SLC17A5: variants seen among roughly 807,000 people sequenced by gnomAD.
SLC17A5 encodes solute carrier family 17 member 5, also known as sialin.
SLC17A5 carries 47 observed loss-of-function variants against 59.4 expected under a neutral mutation model. The ratio of observed to expected loss-of-function variants is 0.79; its 90% CI spans 0.63 to 1.01. The LOEUF (loss-of-function observed/expected upper bound fraction) is 1.01. Among genes scored for constraint, SLC17A5 ranks in the 50% least tolerant of loss-of-function variants. The pLI is 0.00. For synonymous variants in SLC17A5, 202 were observed against 210.7 expected (o/e 0.96, Z 0.36); for missense variants, 522 against 595.5 (o/e 0.88, Z 1.28).
At chr6:73,601,257 C>T (rs1206752068) in intron 9 of SLC17A5, among the ~76,000 whole-genome samples, 1 of 146,650 alleles carries the variant, frequency 6.8e-6, no homozygotes, top group Non-Finnish European at 1.5e-5. Context: ...AGGTGAGGAG[C>T]GTCTCTGCCC....
intron 8 of SLC17A5, among the ~76,000 whole-genome samples, chr6:73,613,697 C>T (rs1456441594): frequency 3.3e-5 from 5 of 152,012 alleles, no homozygotes; most frequent in Non-Finnish European, 7.4e-5. Flanking sequence ...ATGTATGATT[C>T]AAAAAGAAAC....
chr6:73,621,196 G>A (rs899365286), intron 7 of SLC17A5, among the ~76,000 whole-genome samples: 1 of 151,852 alleles, frequency 6.6e-6, no homozygotes, highest in South Asian at 2.1e-4. Flanking sequence ...GTAGAGATGA[G>A]GTTTCTCCAT....
At chr6:73,606,028 GATTT>G (rs111362961) in intron 9 of SLC17A5, among the ~76,000 whole-genome samples, 14 of 148,750 alleles carry the variant, frequency 9.4e-5, no homozygotes, top group African/African-American at 1.8e-4. Context: ...AATTTGATGA[GATTT>G]ATTTATTTAT....
chr6:73,629,971 G>A (rs1263216408), intron 6 of SLC17A5, among the ~76,000 whole-genome samples: 6 of 151,314 alleles, frequency 4.0e-5, no homozygotes, highest in East Asian at 1.9e-4. Flanking sequence ...TAACTGCAGC[G>A]TGCAATGAAG....
rs1766674651 is a variant in SLC17A5 at position 73,593,749 on chromosome 6, A to C, written c.*1328T>G. 1 of 152,204 alleles carries C rather than the reference A, an allele frequency of 6.6e-6. No individual in the cohort carries two copies. The highest frequency in any genetic ancestry group is 2.1e-4 in the South Asian group (1 of 4,832). 9.4% of individuals were successfully genotyped at this position (152,204 alleles called of 1,614,324 possible). On this transcript the variant is annotated 3_prime_UTR_variant, in exon 11 of 11. Transcript: ENST00000355773. ...AACAAACAGTGAGAATTAATTAAAAAAAAAATTCTCGTGTAGCTTAAAAAC... is the reference window on the plus strand; with the variant it reads ...AACAAACAGTGAGAATTAATTAAAACAAAAATTCTCGTGTAGCTTAAAAAC...
intron 6 of SLC17A5, among the ~76,000 whole-genome samples, chr6:73,632,434 CTTTTTT>C (rs1163170650): frequency 3.8e-4 from 33 of 86,788 alleles, no homozygotes; most frequent in African/African-American, 1.1e-3. Flanking sequence ...GTAGAGAAAG[CTTTTTT>C]TTTTTTTTTT....
chr6:73,649,441 C>CA (rs1411977163), intron 1 of SLC17A5, among the ~76,000 whole-genome samples: 1 of 152,080 alleles, frequency 6.6e-6, no homozygotes, highest in African/African-American at 2.4e-5. Context: ...CCCATCTCTA[C>CA]AAAAAATTTC....
chr6:73,650,070 A>C (rs1342372757), intron 1 of SLC17A5, among the ~76,000 whole-genome samples: 1 of 152,006 alleles, frequency 6.6e-6, no homozygotes, highest in African/African-American at 2.4e-5. Context: ...GCAAGAAAAT[A>C]AAGTGTTGGG....
At chr6:73,618,602 ACT>A (rs1209443166) in intron 7 of SLC17A5, 1 of 478,282 alleles carries the variant, frequency 2.1e-6, no homozygotes, top group African/African-American at 2.0e-5. Context: ...CACTAAGAGC[ACT>A]CTGAATCAAG....
At chr6:73,647,705 A>G (rs1769645536) in intron 1 of SLC17A5, among the ~76,000 whole-genome samples, 1 of 152,226 alleles carries the variant, frequency 6.6e-6, no homozygotes, top group South Asian at 2.1e-4. Flanking sequence ...TCGTGGTATT[A>G]CTTGGAAATC....
At chr6:73,625,156 G>T (rs1768345886) in intron 6 of SLC17A5, among the ~76,000 whole-genome samples, 1 of 151,972 alleles carries the variant, frequency 6.6e-6, no homozygotes, top group East Asian at 1.9e-4. Flanking sequence ...TTGTAGATAT[G>T]CTCTTGTGTT....
rs747263942 is a variant in SLC17A5, at chr6:73,644,617, TG to T, written c.95-15del. On this transcript the variant is annotated splice_polypyrimidine_tract_variant and intron_variant, in intron 1 of 10. Coordinates refer to ENST00000355773, the MANE Select transcript of SLC17A5 (RefSeq NM_012434.5). ...AGCACACTGGAGCTGAAATAAAGAT[TG>T]GGGAAAATTTTTATTTATTTTTAAA... 1 of 1,608,706 alleles carries T rather than the reference TG, an allele frequency of 6.2e-7. No homozygotes were observed. The highest frequency in any genetic ancestry group is 8.5e-7 in the Non-Finnish European group (1 of 1,176,696).
At chr6:73,631,158 C>T (rs1191008211) in intron 6 of SLC17A5, among the ~76,000 whole-genome samples, 2 of 151,604 alleles carry the variant, frequency 1.3e-5, no homozygotes, top group East Asian at 3.9e-4. Context: ...AACCAGGCCA[C>T]TCTATGAGCA....
At chr6:73,624,402 T>C (rs1768305055) in intron 6 of SLC17A5, among the ~76,000 whole-genome samples, 1 of 152,144 alleles carries the variant, frequency 6.6e-6, no homozygotes, top group African/African-American at 2.4e-5. Context: ...AGACTCTGTC[T>C]CAAAAAATAA....
chr6:73,599,364 C>T (rs1470230721), intron 10 of SLC17A5, among the ~76,000 whole-genome samples: 1 of 152,128 alleles, frequency 6.6e-6, no homozygotes, highest in African/African-American at 2.4e-5. Context: ...GTACAAACCA[C>T]ACCCAGCTAA....
Position 73,605,875 on chromosome 6 carries a change from G to A in SLC17A5, c.1259+4525C>T, listed in dbSNP as rs550604082. On this transcript the variant is annotated intron_variant, in intron 9 of 10. Transcript: ENST00000355773. ...GCCTGTAATCCCAGCTACTTGGGAG[G>A]CTGAGGCAGGAGAATCACTTGAACC... is the stretch of plus-strand genomic sequence containing the variant. Among the ~76,000 whole-genome samples, 4 of 152,102 alleles carry A rather than the reference G, an allele frequency of 2.6e-5. No individual in the cohort carries two copies. The East Asian group carries it at 7.8e-4, about 30-fold the overall frequency.
intron 6 of SLC17A5, among the ~76,000 whole-genome samples, chr6:73,623,471 A>T (rs987564442): frequency 2.0e-5 from 3 of 151,684 alleles, no homozygotes; most frequent in Admixed American, 6.6e-5. Context: ...AGTAGCTGGG[A>T]TTACAGGTGT....
chr6:73,602,457 C>CAAT (rs1767183539), intron 9 of SLC17A5, among the ~76,000 whole-genome samples: 2 of 151,508 alleles, frequency 1.3e-5, no homozygotes, highest in Admixed American at 1.3e-4. Context: ...AAATTAACAA[C>CAAT]AACAACAACA....
rs117686327 is a variant in SLC17A5, at chr6:73,638,599, A to G, written c.526-100T>C. ...TTTGCTACAAAAGCATTTTCTGGAT[A>G]AGAATCAAACGAATCAGGTTCCATG... On this transcript the variant is annotated intron_variant, in intron 3 of 10. Coordinates refer to ENST00000355773, the MANE Select transcript of SLC17A5 (RefSeq NM_012434.5). The G allele has an allele frequency of 5.9e-3, 5,518 of 933,128 alleles. 26 individuals are homozygous for G. The highest frequency in any genetic ancestry group is 7.9e-3 in the Non-Finnish European group (4,578 of 583,074). The allele number at this position is 933,128 out of a possible 1,614,324, so 57.8% of individuals were successfully genotyped here. A position where few individuals can be genotyped will look rare whatever the true frequency, so the allele number is the denominator to read the frequency against.
Sources: gnomAD v4.1 joint callset for allele counts (sites outside exome capture counted in the v4.1 genomes callset) on GRCh38, gnomAD v4.1.1 for gene constraint, MANE v1.5 for transcripts, NCBI Gene and HGNC (gene_info 2026-07-23, HGNC 2026-07-21) for gene names.